ARHGEF18: variants seen among roughly 807,000 people sequenced by gnomAD.
The protein encoded by ARHGEF18 is Rho/Rac guanine nucleotide exchange factor 18, also known as rho guanine nucleotide exchange factor 18.
ARHGEF18 carries 93 observed loss-of-function variants against 155.7 expected under a neutral mutation model. That is an observed-to-expected ratio of 0.60 (90% CI 0.50 to 0.71). ARHGEF18 has a LOEUF of 0.71. Among genes scored for constraint, ARHGEF18 ranks in the 30% least tolerant of loss-of-function variants. The pLI, the probability that ARHGEF18 is intolerant of heterozygous loss-of-function variation, is 0.00. For missense variants in ARHGEF18, 1,593 were observed against 1,816.1 expected (o/e 0.88, Z 2.23); for synonymous variants, 742 against 753.1 (o/e 0.99, Z 0.24).
Position 7,372,861 on chromosome 19 carries a change from T to C in ARHGEF18, c.65T>C (p.Leu22Pro). Reference sequence around the variant, plus strand: ...AGCGAGAGTATGGAGGACCTCAGCCTGGATTTGGGGGCCCTTCAGGGCAGC... The same window carrying C: ...AGCGAGAGTATGGAGGACCTCAGCCCGGATTTGGGGGCCCTTCAGGGCAGC... The part of the protein sequence containing the change: ...RLSESMEDLS[L>P]DLGALQGSEY... Residue 22 changes from leucine (L) to proline (P), a missense_variant, in exon 3 of 29, where the codon CTG (leucine) becomes CCG (proline). By Grantham distance (98) the Leu-to-Pro change is moderately conservative (BLOSUM62 -3). Coordinates refer to ENST00000668164, the MANE Select transcript of ARHGEF18 (RefSeq NM_001367823.1). The C allele has an allele frequency of 8.1e-7, 1 of 1,234,506 alleles. No homozygotes were observed. The highest frequency in any genetic ancestry group is 1.0e-6 in the Non-Finnish European group (1 of 988,270). 76.5% of individuals were successfully genotyped at this position (1,234,506 alleles called of 1,614,324 possible). A position where few individuals can be genotyped will look rare whatever the true frequency, so the allele number is the denominator to read the frequency against.
chr19:7,364,559 G>A lies in ARHGEF18; in HGVS notation c.15+1654G>A, dbSNP rs573088492. Among the ~76,000 whole-genome samples the A allele has an allele frequency of 4.5e-4, 69 of 152,158 alleles. 4 individuals are homozygous for A. In the South Asian group the frequency reaches 0.013, roughly 28 times the overall value. On this transcript the variant is annotated intron_variant, in intron 2 of 28. Coordinates refer to ENST00000668164, the MANE Select transcript of ARHGEF18 (RefSeq NM_001367823.1). ...ACTTTCTCTAAGCGCTTATGTCAGG[G>A]GCCTGTGGGGTAGGCCAGCCCCCAG...
At chr19:7,437,725 C>G (rs1456468461) in intron 10 of ARHGEF18, among the ~76,000 whole-genome samples, 1 of 150,688 alleles carries the variant, frequency 6.6e-6, no homozygotes, top group Non-Finnish European at 1.5e-5. Context: ...CTCACGGCAA[C>G]CTCTGCCTCC....
At chr19:7,372,345 C>T (rs1970244205) in intron 2 of ARHGEF18, among the ~76,000 whole-genome samples, 1 of 151,504 alleles carries the variant, frequency 6.6e-6, no homozygotes, top group Admixed American at 6.6e-5. Context: ...GGAGGTTTTG[C>T]AAGAAGAAAA....
chr19:7,442,144 T>C lies in ARHGEF18; in HGVS notation c.1360+92T>C, dbSNP rs745367861. On this transcript the variant is annotated intron_variant, in intron 13 of 28. Transcript: ENST00000668164. ...TCCCTCCCTTCCTTCCTTCCTTCCT[T>C]CCTTCCTTCCTTCCTTCCTTCCTTC... is the stretch of plus-strand genomic sequence containing the variant. 3.9e-5 allele frequency: 17 copies of C among 433,892 alleles called. No homozygotes were observed. In the African/African-American group the frequency reaches 4.2e-4, roughly 11 times the overall value. 26.9% of individuals were successfully genotyped at this position (433,892 alleles called of 1,614,324 possible).
In ARHGEF18 at chr19:7,379,291, G is replaced by C. The variant is rs144398433; in HGVS notation, c.644+125G>C. The C allele has an allele frequency of 9.8e-3, 7,623 of 778,196 alleles. 54 individuals carry two copies. The highest frequency in any genetic ancestry group is 0.022 in the Middle Eastern group (43 of 1,972). 48.2% of individuals were successfully genotyped at this position (778,196 alleles called of 1,614,324 possible). ...GACTGGGTGAGGGCTGGGTACAGTG[G>C]CTCACGCCTGTAATCCCAGCACTTT... On this transcript the variant is annotated intron_variant, in intron 7 of 28. Coordinates refer to ENST00000668164, the MANE Select transcript of ARHGEF18 (RefSeq NM_001367823.1).
At chr19:7,413,657 G>A (rs1298591713) in intron 10 of ARHGEF18, among the ~76,000 whole-genome samples, 1 of 152,184 alleles carries the variant, frequency 6.6e-6, no homozygotes, top group Non-Finnish European at 1.5e-5. Context: ...AGCTACTTGG[G>A]AGATAGGGAG....
intron 10 of ARHGEF18, among the ~76,000 whole-genome samples, chr19:7,416,601 T>TA (rs1973034126): frequency 1.3e-5 from 1 of 79,866 alleles, no homozygotes; most frequent in Non-Finnish European, 2.4e-5. Flanking sequence ...GATATTTTAT[T>TA]TGGGTTTTTT....
At chr19:7,404,075 A>T (rs1476039981) in intron 10 of ARHGEF18, among the ~76,000 whole-genome samples, 1 of 151,990 alleles carries the variant, frequency 6.6e-6, no homozygotes, top group Non-Finnish European at 1.5e-5. Flanking sequence ...CTCAAAAAAA[A>T]AAAAAGAGAT....
At chr19:7,418,593 G>A (rs1973146674) in intron 10 of ARHGEF18, among the ~76,000 whole-genome samples, 1 of 152,008 alleles carries the variant, frequency 6.6e-6, no homozygotes, top group African/African-American at 2.4e-5. Flanking sequence ...ACTGTGCCCA[G>A]CCAGCAGGCA....
At position 7,467,673 on chromosome 19, in the gene ARHGEF18, A is replaced by G; in HGVS notation, c.3469A>G (p.Thr1157Ala). 6.6e-7 allele frequency: 1 copy of G among 1,507,518 alleles called. No individual in the cohort carries two copies. Among genetic ancestry groups the G allele is most frequent in the Non-Finnish European group, 8.8e-7 (1 of 1,136,216 alleles). The allele number at this position is 1,507,518 out of a possible 1,614,324, so 93.4% of individuals were successfully genotyped here. The change falls in exon 26 of 29, where the codon ACA (threonine) becomes GCA (alanine). Residue 1157 changes from threonine (T) to alanine (A), a missense_variant. Physicochemically the swap from Thr to Ala is moderately conservative, Grantham distance 58 (BLOSUM62 0). Transcript: ENST00000668164. ...CGCGCCAGGCGCGCTGCCGCCCGAC[A>G]CACTGGCCGAGGTGAGCGCGCAGCA... ...NTAPGALPPD[T>A]LAEAQPPSHP...
At position 7,470,518 on chromosome 19, in the gene ARHGEF18, T is replaced by C. The variant is rs77980847; in HGVS notation, c.*220T>C. On this transcript the variant is annotated 3_prime_UTR_variant, in exon 29 of 29. Transcript: ENST00000668164. The surrounding 1 kb of genome is among the most constrained non-coding windows in gnomAD (Gnocchi z 5.9). ...TGCCGGGGTCACTTTCTGAATCTCT[T>C]TTTTTTTTTTTCAAAAAGGAAAGTT... 1.7e-4 allele frequency: 63 copies of C among 361,676 alleles called. No individual in the cohort carries two copies. Among genetic ancestry groups the C allele is most frequent in the African/African-American group, 1.3e-3 (60 of 46,292 alleles). 22.4% of individuals were successfully genotyped at this position (361,676 alleles called of 1,614,324 possible).
downstream of ARHGEF18, chr19:7,473,419 T>G (rs993587069): frequency 5.0e-6 from 2 of 397,980 alleles, no homozygotes; most frequent in Non-Finnish European, 1.0e-5. Flanking sequence ...TCCCAGCATT[T>G]TGGGGAGGCG....
chr19:7,364,938 CT>C (rs1969819269), intron 2 of ARHGEF18, among the ~76,000 whole-genome samples: 1 of 152,174 alleles, frequency 6.6e-6, no homozygotes, highest in East Asian at 1.9e-4. Context: ...TCACCCATTG[CT>C]GATGGGCTGC....
intron 10 of ARHGEF18, among the ~76,000 whole-genome samples, chr19:7,411,008 G>C (rs77118696): frequency 0.028 from 4,309 of 152,006 alleles, 101 homozygotes; most frequent in South Asian, 0.078. Context: ...TCACAAGGCA[G>C]ATGCTTTTTC....
At chr19:7,404,704 C>T (rs1350180909) in intron 10 of ARHGEF18, among the ~76,000 whole-genome samples, 2 of 151,980 alleles carry the variant, frequency 1.3e-5, no homozygotes, top group African/African-American at 2.4e-5. Flanking sequence ...GGAGCTAATC[C>T]GACCTGAACA....
intron 1 of ARHGEF18, chr19:7,355,689 G>A: frequency 1.0e-6 from 1 of 985,446 alleles, no homozygotes; most frequent in Non-Finnish European, 1.2e-6. Flanking sequence ...CTGAAGCGGT[G>A]GGCCTTCAAG....
intron 18 of ARHGEF18, among the ~76,000 whole-genome samples, chr19:7,456,663 G>A (rs1350149791): frequency 2.6e-5 from 4 of 152,240 alleles, no homozygotes. Context: ...GTTGCAGTGA[G>A]CTGAGATTGT....
At chr19:7,369,959 G>T (rs955648994) in intron 2 of ARHGEF18, among the ~76,000 whole-genome samples, 3 of 152,120 alleles carry the variant, frequency 2.0e-5, no homozygotes, top group East Asian at 3.9e-4. Context: ...CACTTTCGGA[G>T]GCTGAGCGGG....
chr19:7,444,582 C>T lies in ARHGEF18; in HGVS notation c.1611+128C>T. The stretch of plus-strand genomic sequence containing the variant: ...CTGGAGTGCAGTGGTGCAGTCACAG[C>T]TCAATGCAGCCTCAACCTCTCAGGC... On this transcript the variant is annotated intron_variant, in intron 14 of 28. Coordinates refer to ENST00000668164, the MANE Select transcript of ARHGEF18 (RefSeq NM_001367823.1). This position sits in a 1 kb window ranked among gnomAD's most constrained non-coding sequence, Gnocchi z 4.7. 1 of 1,325,852 alleles carries T rather than the reference C, an allele frequency of 7.5e-7. No individual in the cohort carries two copies. The highest frequency in any genetic ancestry group is 1.0e-6 in the Non-Finnish European group (1 of 986,270). The allele number at this position is 1,325,852 out of a possible 1,614,324, so 82.1% of individuals were successfully genotyped here. A position where few individuals can be genotyped will look rare whatever the true frequency, so the allele number is the denominator to read the frequency against.
Sources: allele counts gnomAD v4.1 joint callset (sites outside exome capture counted in the v4.1 genomes callset), GRCh38; gene constraint gnomAD v4.1.1; non-coding constraint Gnocchi (gnomAD v3.1); transcripts MANE v1.5; gene names NCBI Gene and HGNC (gene_info 2026-07-23, HGNC 2026-07-21).